Variants in CACNA1B observed in about 807,000 individuals in gnomAD.
CACNA1B encodes the protein calcium voltage-gated channel subunit alpha1 B.
Under a neutral mutation model 247.2 loss-of-function variants are expected in CACNA1B, and 70 were observed. The observed-to-expected ratio is 0.28, with a 90% CI of 0.23 to 0.35. The LOEUF (loss-of-function observed/expected upper bound fraction) is 0.35, where lower values mean the gene tolerates loss of function less well. Ranked by LOEUF, CACNA1B falls within the 10% of genes least tolerant of loss-of-function variation. CACNA1B has a pLI of 1.00. For missense variants in CACNA1B, 2,367 were observed against 3,197.4 expected, an observed-to-expected ratio of 0.74 and a Z score of 6.26; for synonymous variants, 1,231 against 1,294.4, an observed-to-expected ratio of 0.95 and a Z score of 1.05.
chr9:137,892,255 G>A, intron 3 of CACNA1B: 1 of 456,824 alleles, frequency 2.2e-6, no homozygotes, highest in South Asian at 1.5e-5. Flanking sequence ...CCTGGAGGCT[G>A]GAGGTCCAAG....
At chr9:137,940,423 A>G (rs1273106187) in intron 6 of CACNA1B, among the ~76,000 whole-genome samples, 1 of 152,176 alleles carries the variant, frequency 6.6e-6, no homozygotes, top group Non-Finnish European at 1.5e-5. Context: ...TTGAAATGGT[A>G]ATAAAAAAAT....
rs186415325 is a variant in CACNA1B at position 138,087,455 on chromosome 9, G to A, written c.5095-9029G>A. 4.1e-3 allele frequency among the ~76,000 whole-genome samples: 608 copies of A among 147,514 alleles called. 20 individuals carry two copies. The highest frequency in any genetic ancestry group is 0.014 in the Middle Eastern group (4 of 286). On this transcript the variant is annotated intron_variant, in intron 36 of 46. Transcript: ENST00000371372. The stretch of plus-strand genomic sequence containing the variant: ...AAGAAGCCTGGGCACAGTGGCTCAC[G>A]CCTGTAGTCCCAGCACTTTGGGAGG...
At chr9:138,013,299 C>A in intron 18 of CACNA1B, 64 bp downstream of exon 18, 3 of 1,285,202 alleles carry the variant, frequency 2.3e-6, no homozygotes, top group Non-Finnish European at 3.2e-6. Context: ...CATGGCTGGG[C>A]CCTCCCCAGG....
At chr9:138,069,704 TC>T in intron 31 of CACNA1B, 53 bp from the exon 32 acceptor site, 3 of 1,488,614 alleles carry the variant, frequency 2.0e-6, no homozygotes, top group Admixed American at 1.7e-5. Context: ...TGCTCAAACC[TC>T]CCCAATTTGT....
intron 20 of CACNA1B, among the ~76,000 whole-genome samples, chr9:138,026,254 C>T (rs1958919785): frequency 6.6e-6 from 1 of 152,212 alleles, no homozygotes; most frequent in African/African-American, 2.4e-5. Context: ...TCCTTTGCTT[C>T]CTTGGAGGAA....
Position 138,058,160 on chromosome 9 carries a change from C to T in CACNA1B, c.4218C>T (p.Phe1406=), listed in dbSNP as rs1473165230. Reference sequence around the variant, plus strand: ...TCTACTTTGTGGTCTTTCCCTTCTTCTTCGTCAACATCTTTGTGGCTTTGA... The same window carrying T: ...TCTACTTTGTGGTCTTTCCCTTCTTTTTCGTCAACATCTTTGTGGCTTTGA... The part of the protein sequence containing the change: ...YVVYFVVFPF[F]FVNIFVALII... Residue 1406 remains phenylalanine (F), a synonymous_variant, in exon 28 of 47, where the codon TTC becomes TTT. Coordinates refer to ENST00000371372, the MANE Select transcript of CACNA1B (RefSeq NM_000718.4). The surrounding 1 kb of genome is among the most constrained non-coding windows in gnomAD (Gnocchi z 4.7). 1.2e-6 allele frequency: 2 copies of T among 1,613,984 alleles called. No homozygotes were observed.
chr9:138,038,010 CT>C (rs1350042956), intron 20 of CACNA1B, among the ~76,000 whole-genome samples: 1 of 152,154 alleles, frequency 6.6e-6, no homozygotes, highest in Non-Finnish European at 1.5e-5. Context: ...CTTGGTTACC[CT>C]GAAATTCAGT....
At chr9:138,111,957 T>C (rs972283351) in intron 39 of CACNA1B, among the ~76,000 whole-genome samples, 8 of 151,814 alleles carry the variant, frequency 5.3e-5, no homozygotes, top group Admixed American at 3.9e-4. Context: ...TTTTTTTACT[T>C]ATTACTGCTT....
In CACNA1B at chr9:138,072,892, C is replaced by T. The variant is rs2133535414; in HGVS notation, c.4675-596C>T. Among the ~76,000 whole-genome samples, 2 of 152,360 alleles carry T rather than the reference C, an allele frequency of 1.3e-5. 1 individual carries two copies. The highest frequency in any genetic ancestry group is 3.9e-4 in the East Asian group (2 of 5,184). On this transcript the variant is annotated intron_variant, in intron 32 of 46. Coordinates refer to ENST00000371372, the MANE Select transcript of CACNA1B (RefSeq NM_000718.4). The surrounding 1 kb of genome is among the most constrained non-coding windows in gnomAD (Gnocchi z 4.5). ...GCAGAGGTGGCTTCCGTGGTGTGAG[C>T]AGCAGAACACCTGTACCTTCCATAA...
At chr9:138,076,664 C>G (rs1960330854) in intron 35 of CACNA1B, among the ~76,000 whole-genome samples, 1 of 152,322 alleles carries the variant, frequency 6.6e-6, no homozygotes, top group East Asian at 1.9e-4. Flanking sequence ...AACTTGGGAG[C>G]AGAAGGGAGG....
At chr9:137,935,823 G>A (rs1433670674) in intron 6 of CACNA1B, among the ~76,000 whole-genome samples, 4 of 151,940 alleles carry the variant, frequency 2.6e-5, no homozygotes, top group African/African-American at 9.7e-5. Flanking sequence ...TGCCCAGGCT[G>A]GAGTACAGTG....
Position 137,917,813 on chromosome 9 carries a change from A to G in CACNA1B, c.966+382A>G, listed in dbSNP as rs1957429351. ...TCTGGGAAGTGTTTTATTCCTGTTGACTCCTCTCAGGAACCTGTTGCACAG... is the reference window on the plus strand; with the variant it reads ...TCTGGGAAGTGTTTTATTCCTGTTGGCTCCTCTCAGGAACCTGTTGCACAG... On this transcript the variant is annotated intron_variant, in intron 6 of 46. Transcript: ENST00000371372. This position sits in a 1 kb window ranked among gnomAD's most constrained non-coding sequence, Gnocchi z 5.5. Among the ~76,000 whole-genome samples, 1 of 152,056 alleles carries G rather than the reference A, an allele frequency of 6.6e-6. No homozygotes were observed. The highest frequency in any genetic ancestry group is 6.5e-5 in the Admixed American group (1 of 15,268).
rs1959665437 is a variant in CACNA1B at position 138,059,980 on chromosome 9, C to G, written c.4668+243C>G. Among the ~76,000 whole-genome samples the G allele has an allele frequency of 6.6e-6, 1 of 152,148 alleles. No individual in the cohort carries two copies. Among genetic ancestry groups the G allele is most frequent in the African/African-American group, 2.4e-5 (1 of 41,410 alleles). ...TTTGGGCTGCTGGCCTGAGAGTTAC[C>G]TGGAGCTCCATGGTAACAACTAATC... On this transcript the variant is annotated intron_variant, in intron 31 of 46. Coordinates refer to ENST00000371372, the MANE Select transcript of CACNA1B (RefSeq NM_000718.4). The surrounding 1 kb of genome is among the most constrained non-coding windows in gnomAD (Gnocchi z 4.2).
chr9:138,103,770 AGTCT>A (rs1397118476), intron 38 of CACNA1B, among the ~76,000 whole-genome samples: 1 of 152,216 alleles, frequency 6.6e-6, no homozygotes, highest in Non-Finnish European at 1.5e-5. Flanking sequence ...GACTTTCCTG[AGTCT>A]GTCTGAGGAA....
chr9:137,937,548 G>T (rs984784975), intron 6 of CACNA1B, among the ~76,000 whole-genome samples: 2 of 152,142 alleles, frequency 1.3e-5, no homozygotes, highest in Admixed American at 1.3e-4. Flanking sequence ...CCCTAGCCTT[G>T]CTAGAGACTT....
intron 3 of CACNA1B, chr9:137,892,481 C>G (rs1382423137): frequency 2.5e-6 from 1 of 396,984 alleles, no homozygotes; most frequent in African/African-American, 2.1e-5. Context: ...TCTGCAGAAT[C>G]CGCCATAGTT....
intron 9 of CACNA1B, 115 bp downstream of exon 9, chr9:137,956,942 C>A (rs1374268316): frequency 3.7e-6 from 3 of 802,044 alleles, no homozygotes; most frequent in Non-Finnish European, 4.3e-6. Flanking sequence ...TGCCAGGCAC[C>A]TGCACAGCCA....
intron 31 of CACNA1B, among the ~76,000 whole-genome samples, chr9:138,067,371 A>C (rs1804584543): frequency 6.6e-6 from 1 of 152,250 alleles, no homozygotes; most frequent in Admixed American, 6.5e-5. Context: ...TCTCTAACTA[A>C]CTAGACTAGT....
At chr9:138,114,342 C>G (rs201418902) in intron 40 of CACNA1B, 36 bp from the exon 41 acceptor site, 14 of 1,060,178 alleles carry the variant, frequency 1.3e-5, no homozygotes, top group Middle Eastern at 2.0e-4. Flanking sequence ...TCCTCTGCCC[C>G]CTTCTCCGAA....
Sources: allele counts gnomAD v4.1 joint callset (sites outside exome capture counted in the v4.1 genomes callset), GRCh38; gene constraint gnomAD v4.1.1; non-coding constraint Gnocchi (gnomAD v3.1); transcripts MANE v1.5; gene names NCBI Gene and HGNC (gene_info 2026-07-23, HGNC 2026-07-21).